SLCO3A1: variants seen among roughly 807,000 people sequenced by gnomAD.
The protein encoded by SLCO3A1 is solute carrier organic anion transporter family member 3A1, also known as PGE1 transporter.
Under a neutral mutation model 63.1 loss-of-function variants are expected in SLCO3A1, and 27 were observed. The observed-to-expected ratio is 0.43, with a 90% CI of 0.32 to 0.59. The LOEUF (loss-of-function observed/expected upper bound fraction) is 0.59. Among genes scored for constraint, SLCO3A1 ranks in the 20% least tolerant of loss-of-function variants. The probability of loss-of-function intolerance (pLI) is 0.09; values close to 1 mark genes in which losing one functional copy is unlikely to be tolerated. For synonymous variants in SLCO3A1, 473 were observed against 409.9 expected, an observed-to-expected ratio of 1.15 and a Z score of -1.86; for missense variants, 773 against 945.8, an observed-to-expected ratio of 0.82 and a Z score of 2.40.
chr15:91,961,450 A>G (rs927874575), intron 2 of SLCO3A1, among the ~76,000 whole-genome samples: 2 of 152,214 alleles, frequency 1.3e-5, no homozygotes, highest in Non-Finnish European at 2.9e-5. Context: ...CTCTGGTTCT[A>G]CTCTGAGGAA....
intron 6 of SLCO3A1, 101 bp from the exon 7 acceptor site, chr15:92,128,250 C>G (rs2047949239): frequency 7.3e-7 from 1 of 1,365,716 alleles, no homozygotes; most frequent in Admixed American, 1.9e-5. Context: ...AAGCAGGGTA[C>G]CACGCGACTC....
At chr15:91,870,593 A>AT (rs1197245564) in intron 1 of SLCO3A1, among the ~76,000 whole-genome samples, 20 of 152,164 alleles carry the variant, frequency 1.3e-4, no homozygotes, top group African/African-American at 4.8e-4. Context: ...ATTTCTTTGT[A>AT]TTATCTCTTC....
chr15:92,157,170 G>A (rs1045821630), intron 9 of SLCO3A1: 17 of 152,312 alleles, frequency 1.1e-4, no homozygotes, highest in African/African-American at 3.6e-4. Flanking sequence ...TCAGCACAGG[G>A]TGGGTTCCCA....
At chr15:92,110,042 G>A (rs918684366) in intron 4 of SLCO3A1, among the ~76,000 whole-genome samples, 3 of 152,182 alleles carry the variant, frequency 2.0e-5, no homozygotes, top group Non-Finnish European at 4.4e-5. Flanking sequence ...GCTGGGGCCC[G>A]TGTAACAAAG....
rs1436094465 is a variant in SLCO3A1 at position 91,854,481 on chromosome 15, G to C, written c.180+393G>C. Reference sequence around the variant, plus strand: ...TTTTCAGGTGACCTGCACATGGGAAGAAAAACCAGTTAGCATCCTGCGTCC... The same window carrying C: ...TTTTCAGGTGACCTGCACATGGGAACAAAAACCAGTTAGCATCCTGCGTCC... On this transcript the variant is annotated intron_variant, in intron 1 of 9. Coordinates refer to ENST00000318445, the MANE Select transcript of SLCO3A1 (RefSeq NM_013272.4). The surrounding 1 kb of genome is among the most constrained non-coding windows in gnomAD (Gnocchi z 6.4). 3.7e-5 allele frequency: 21 copies of C among 568,884 alleles called. No individual in the cohort carries two copies. The highest frequency in any genetic ancestry group is 4.7e-5 in the Non-Finnish European group (21 of 445,024). The allele number at this position is 568,884 out of a possible 1,614,324, so 35.2% of individuals were successfully genotyped here.
chr15:92,056,057 G>T (rs1365732516), intron 2 of SLCO3A1, among the ~76,000 whole-genome samples: 1 of 151,922 alleles, frequency 6.6e-6, no homozygotes, highest in Non-Finnish European at 1.5e-5. Flanking sequence ...TATTTTCTCT[G>T]TTTTTCCATA....
intron 9 of SLCO3A1, among the ~76,000 whole-genome samples, chr15:92,152,811 A>T (rs1388408856): frequency 1.3e-5 from 2 of 152,132 alleles, no homozygotes; most frequent in Non-Finnish European, 2.9e-5. Context: ...CAGGTAAGTG[A>T]CCTCAGCTCT....
intron 4 of SLCO3A1, among the ~76,000 whole-genome samples, chr15:92,114,693 C>G (rs59615656): frequency 9.8e-4 from 149 of 152,260 alleles, no homozygotes; most frequent in African/African-American, 3.5e-3. Context: ...CCTCCCTGCT[C>G]TCTGTTCTCT....
At position 92,132,767 on chromosome 15, in the gene SLCO3A1, G is replaced by A. The variant is rs889626593; in HGVS notation, c.1512+4278G>A. Among the ~76,000 whole-genome samples the A allele has an allele frequency of 4.1e-5, 6 of 145,418 alleles. 2 individuals carry two copies. The highest frequency in any genetic ancestry group is 1.4e-4 in the Admixed American group (2 of 14,590). On this transcript the variant is annotated intron_variant, in intron 7 of 9. Coordinates refer to ENST00000318445, the MANE Select transcript of SLCO3A1 (RefSeq NM_013272.4). ...ATATTTATTGAGCACCTGTTTCAGT[G>A]AAATGCCAAGTAGGTTCTGTGGCGG...
At position 91,997,172 on chromosome 15, in the gene SLCO3A1, T is replaced by G. The variant is rs1190093704; in HGVS notation, c.646+80714T>G. Reference sequence around the variant, plus strand: ...GTAAAGTTTCAGGATGCAAAATCAATGTACAAAAATCAGTAGCATTTCTAT... The same window carrying G: ...GTAAAGTTTCAGGATGCAAAATCAAGGTACAAAAATCAGTAGCATTTCTAT... On this transcript the variant is annotated intron_variant, in intron 2 of 9. Coordinates refer to ENST00000318445, the MANE Select transcript of SLCO3A1 (RefSeq NM_013272.4). Among the ~76,000 whole-genome samples the G allele has an allele frequency of 2.0e-5, 3 of 152,208 alleles. No individual in the cohort carries two copies. The East Asian group carries it at 5.8e-4, about 29-fold the overall frequency.
At chr15:92,118,006 T>G (rs886539622) in intron 4 of SLCO3A1, among the ~76,000 whole-genome samples, 2 of 152,214 alleles carry the variant, frequency 1.3e-5, no homozygotes, top group African/African-American at 2.4e-5. Context: ...TTCTAAATAT[T>G]TATTTGAAAT....
At chr15:92,118,384 GTTCTT>G (rs779514079) in intron 4 of SLCO3A1, among the ~76,000 whole-genome samples, 30 of 152,216 alleles carry the variant, frequency 2.0e-4, no homozygotes, top group Non-Finnish European at 3.2e-4. Flanking sequence ...GCATAACTAA[GTTCTT>G]TTTGTTATGT....
At chr15:92,054,145 C>T (rs2046994336) in intron 2 of SLCO3A1, among the ~76,000 whole-genome samples, 1 of 152,178 alleles carries the variant, frequency 6.6e-6, no homozygotes, top group Non-Finnish European at 1.5e-5. Flanking sequence ...CCACTGGGGG[C>T]TCCTTCAGTT....
intron 2 of SLCO3A1, among the ~76,000 whole-genome samples, chr15:92,060,074 C>G (rs1232816190): frequency 1.3e-5 from 2 of 152,068 alleles, no homozygotes; most frequent in African/African-American, 4.8e-5. Context: ...AGTAAAACTA[C>G]AGCATAAAAG....
intron 2 of SLCO3A1, among the ~76,000 whole-genome samples, chr15:91,925,846 G>A (rs542498502): frequency 1.8e-4 from 28 of 152,310 alleles, no homozygotes; most frequent in African/African-American, 5.8e-4. Flanking sequence ...AGATCCAGCC[G>A]TGCTTGAAGC....
chr15:92,041,854 T>C (rs954191215), intron 2 of SLCO3A1, among the ~76,000 whole-genome samples: 1 of 152,148 alleles, frequency 6.6e-6, no homozygotes, highest in African/African-American at 2.4e-5. Context: ...TTTAATATTT[T>C]AGCCAATCTG....
intron 2 of SLCO3A1, among the ~76,000 whole-genome samples, chr15:92,048,093 C>T (rs978032564): frequency 1.3e-5 from 2 of 152,120 alleles, no homozygotes; most frequent in African/African-American, 4.8e-5. Context: ...GTCACTTCTC[C>T]ATAGGAACTG....
intron 2 of SLCO3A1, among the ~76,000 whole-genome samples, chr15:91,991,626 A>G (rs1459670095): frequency 6.6e-6 from 1 of 152,260 alleles, no homozygotes; most frequent in Non-Finnish European, 1.5e-5. Context: ...AATATTTTTA[A>G]TTTAGTCAAG....
rs559941811 is a variant in SLCO3A1, at chr15:91,942,991, G to A, written c.646+26533G>A. Among the ~76,000 whole-genome samples, 2 of 152,326 alleles carry A rather than the reference G, an allele frequency of 1.3e-5. No individual in the cohort carries two copies. The highest frequency in any genetic ancestry group is 2.1e-4 in the South Asian group (1 of 4,826). On this transcript the variant is annotated intron_variant, in intron 2 of 9. Transcript: ENST00000318445. This position sits in a 1 kb window ranked among gnomAD's most constrained non-coding sequence, Gnocchi z 4.1. ...TTCTGCCTCCCTTTCTCTCCTAAAA[G>A]CATCTCCCTTGACCTTCTGTCCTTG...
Sources: allele counts gnomAD v4.1 joint callset (sites outside exome capture counted in the v4.1 genomes callset), GRCh38; gene constraint gnomAD v4.1.1; non-coding constraint Gnocchi (gnomAD v3.1); transcripts MANE v1.5; gene names NCBI Gene and HGNC (gene_info 2026-07-23, HGNC 2026-07-21).